Variants in ANKRD30A observed in about 807,000 individuals in gnomAD.
The protein encoded by ANKRD30A is ankyrin repeat domain-containing protein 30A.
In ANKRD30A, 170 loss-of-function variants were observed where a neutral mutation model predicts 166.3. That is an observed-to-expected ratio of 1.02 (90% CI 0.90 to 1.16). The LOEUF is 1.16. Ranked by LOEUF, ANKRD30A falls within the 50% of genes most tolerant of loss-of-function variation. ANKRD30A has a pLI of 0.00. For missense variants in ANKRD30A, 1,630 were observed against 1,518.0 expected, an observed-to-expected ratio of 1.07 and a Z score of -1.23; for synonymous variants, 564 against 508.9, an observed-to-expected ratio of 1.11 and a Z score of -1.46.
chr10:37,196,516 A>G lies in ANKRD30A; in HGVS notation c.2615-765A>G, dbSNP rs77721304. On this transcript the variant is annotated intron_variant, in intron 27 of 35. Coordinates refer to ENST00000361713, the MANE Select transcript of ANKRD30A (RefSeq NM_052997.3). ...CAGACGAATTGTAGGAACTGTAAAA[A>G]TACTGAATTTATACTTCAAAAATAA... Among the ~76,000 whole-genome samples the G allele has an allele frequency of 8.9e-3, 1,354 of 152,326 alleles. 11 individuals are homozygous for G. Among genetic ancestry groups the G allele is most frequent in the Non-Finnish European group, 0.015 (1,005 of 68,038 alleles).
the ANKRD30A span, chr10:37,247,982 C>T: frequency 3.4e-6 from 1 of 294,060 alleles, no homozygotes; most frequent in Non-Finnish European, 6.8e-6. Context: ...ATGAATTTAC[C>T]TTTGTAACAA....
At position 37,197,399 on chromosome 10, in the gene ANKRD30A, C is replaced by G. The variant is rs772419427; in HGVS notation, c.2644-9C>G. On this transcript the variant is annotated splice_polypyrimidine_tract_variant and intron_variant, in intron 28 of 35. Transcript: ENST00000361713. ...CTTTATTAATCATTTTGCTTCCAAC[C>G]CCATTTAGCCTGCCATTGAAATGCA... The G allele has an allele frequency of 1.2e-5, 19 of 1,612,368 alleles. No individual in the cohort carries two copies. Among genetic ancestry groups the G allele is most frequent in the Non-Finnish European group, 1.4e-5 (17 of 1,179,710 alleles).
chr10:37,212,517 A>G (rs1263057630), intron 31 of ANKRD30A, among the ~76,000 whole-genome samples: 1 of 152,042 alleles, frequency 6.6e-6, no homozygotes, highest in Non-Finnish European at 1.5e-5. Context: ...TGGAAAAACT[A>G]CTTTAAAGTT....
chr10:37,152,205 C>T (rs928485613), intron 12 of ANKRD30A, 84 bp downstream of exon 12: 174 of 1,178,508 alleles, frequency 1.5e-4, no homozygotes, highest in Middle Eastern at 2.0e-4. Context: ...TTTATTTTCT[C>T]GCCTCTTCAT....
In ANKRD30A at chr10:37,201,280, G is replaced by A. The variant is rs772247695; in HGVS notation, c.2824G>A (p.Ala942Thr). ...VSQKDVCVPK[A>T]THQKEMDKIS... is the part of the protein sequence containing the mutation. The stretch of plus-strand genomic sequence containing the variant: ...ACAGAAGGATGTGTGTGTACCCAAG[G>A]CTACACATCAAAAAGAAATGGATAA... Residue 942 changes from alanine to threonine, a missense_variant, in exon 31 of 36, where the codon GCT becomes ACT. Ala to Thr is a moderately conservative substitution (Grantham distance 58). Coordinates refer to ENST00000361713, the MANE Select transcript of ANKRD30A (RefSeq NM_052997.3). 2.6e-5 allele frequency: 42 copies of A among 1,594,948 alleles called. No homozygotes were observed. In the South Asian group the frequency reaches 4.5e-4, roughly 17 times the overall value.
In ANKRD30A at chr10:37,125,817, G is replaced by A. The variant is rs569164100; in HGVS notation, c.30G>A (p.Lys10=). 1 of 812,518 alleles carries A rather than the reference G, an allele frequency of 1.2e-6. No individual in the cohort carries two copies. The highest frequency in any genetic ancestry group is 1.6e-5 in the South Asian group (1 of 60,608). 50.3% of individuals were successfully genotyped at this position (812,518 alleles called of 1,614,324 possible). The change falls in exon 1 of 36, where the codon AAG becomes AAA. Residue 10 remains lysine (K), a synonymous_variant. Coordinates refer to ENST00000361713, the MANE Select transcript of ANKRD30A (RefSeq NM_052997.3). ...AGGAGATCTCTGCCGCCGCTGTCAAGGTCGTGCCGGGCCCGGAGCGCCCGA... is the reference window on the plus strand; with the variant it reads ...AGGAGATCTCTGCCGCCGCTGTCAAAGTCGTGCCGGGCCCGGAGCGCCCGA... MEEISAAAV[K]VVPGPERPSP...
chr10:37,145,401 C>T (rs541592249), intron 8 of ANKRD30A, among the ~76,000 whole-genome samples: 19 of 152,056 alleles, frequency 1.2e-4, no homozygotes, highest in South Asian at 8.3e-4. Flanking sequence ...CACTTGAACC[C>T]GGGAGGTGGA....
the ANKRD30A span, among the ~76,000 whole-genome samples, chr10:37,244,890 G>A: frequency 6.6e-6 from 1 of 152,054 alleles, no homozygotes; most frequent in African/African-American, 2.4e-5. Flanking sequence ...TTGTCTCCAG[G>A]CCCCAACTCC....
intron 13 of ANKRD30A, among the ~76,000 whole-genome samples, chr10:37,156,501 C>G (rs901933347): frequency 6.6e-6 from 1 of 152,152 alleles, no homozygotes; most frequent in Non-Finnish European, 1.5e-5. Context: ...TCTTAAGTGC[C>G]AAGTGATAAA....
At chr10:37,208,683 G>A (rs1373009154) in intron 31 of ANKRD30A, among the ~76,000 whole-genome samples, 4 of 152,080 alleles carry the variant, frequency 2.6e-5, no homozygotes, top group African/African-American at 9.7e-5. Flanking sequence ...ATAACCAAAA[G>A]AATCATACAG....
chr10:37,250,030 G>A, the ANKRD30A span, among the ~76,000 whole-genome samples: 6 of 151,946 alleles, frequency 3.9e-5, no homozygotes, highest in Admixed American at 6.6e-5. Flanking sequence ...GTCTTTGTTC[G>A]TCAAGATTGT....
Position 37,219,792 on chromosome 10 carries a change from A to G in ANKRD30A, c.4080A>G (p.Lys1360=). The G allele has an allele frequency of 6.2e-7, 1 of 1,607,154 alleles. No individual in the cohort carries two copies. The highest frequency in any genetic ancestry group is 8.5e-7 in the Non-Finnish European group (1 of 1,175,860). The change falls in exon 34 of 36, where the codon AAA becomes AAG. Residue 1360 remains lysine (K), a synonymous_variant. Transcript: ENST00000361713. The part of the protein sequence containing the change: ...ITIDIHFLER[K]MQHHLLKEKN... ...TTGATATTCATTTTCTTGAGAGGAA[A>G]ATGCAACATCATCTCCTAAAAGAGA... is the stretch of plus-strand genomic sequence containing the variant.
intron 34 of ANKRD30A, among the ~76,000 whole-genome samples, chr10:37,229,643 A>C (rs191961998): frequency 1.3e-5 from 2 of 152,116 alleles, no homozygotes; most frequent in African/African-American, 4.8e-5. Context: ...AACATTGCTG[A>C]TAAGTATTTC....
intron 34 of ANKRD30A, among the ~76,000 whole-genome samples, chr10:37,228,751 C>T (rs1244879074): frequency 6.6e-6 from 1 of 151,964 alleles, no homozygotes; most frequent in Non-Finnish European, 1.5e-5. Flanking sequence ...TCTACTGCTT[C>T]TCATTAGCAT....
At chr10:37,256,775 G>A in the ANKRD30A span, among the ~76,000 whole-genome samples, 4 of 152,328 alleles carry the variant, frequency 2.6e-5, no homozygotes, top group Non-Finnish European at 4.4e-5. Flanking sequence ...GCTTTTGGAT[G>A]TGCTGTTGGA....
chr10:37,190,538 G>A (rs1840465146), intron 25 of ANKRD30A, among the ~76,000 whole-genome samples: 1 of 151,780 alleles, frequency 6.6e-6, no homozygotes, highest in African/African-American at 2.4e-5. Flanking sequence ...AACAGGTGTC[G>A]AATGGGAAGA....
intron 8 of ANKRD30A, among the ~76,000 whole-genome samples, chr10:37,145,680 T>C (rs1227017603): frequency 6.6e-6 from 1 of 152,212 alleles, no homozygotes; most frequent in African/African-American, 2.4e-5. Flanking sequence ...AAAGAATTAC[T>C]CCGAGTTCAT....
intron 32 of ANKRD30A, 91 bp downstream of exon 32, chr10:37,216,485 GT>G: frequency 8.0e-7 from 1 of 1,254,920 alleles, no homozygotes; most frequent in Non-Finnish European, 1.1e-6. Context: ...ACCTTCTGAG[GT>G]TTTACTGGAG....
At chr10:37,148,571 T>C (rs1216137253) in intron 9 of ANKRD30A, among the ~76,000 whole-genome samples, 1 of 151,958 alleles carries the variant, frequency 6.6e-6, no homozygotes, top group Non-Finnish European at 1.5e-5. Context: ...GAAGGACAGT[T>C]CAGTGAACTC....
Sources: allele counts gnomAD v4.1 joint callset (sites outside exome capture counted in the v4.1 genomes callset), GRCh38; gene constraint gnomAD v4.1.1; transcripts MANE v1.5; gene names NCBI Gene and HGNC (gene_info 2026-07-23, HGNC 2026-07-21).